ESYT3: variants seen among roughly 807,000 people sequenced by gnomAD.
ESYT3 encodes the protein extended synaptotagmin-3.
ESYT3 carries 101 observed loss-of-function variants against 111.5 expected under a neutral mutation model. The ratio of observed to expected loss-of-function variants is 0.91; its 90% CI spans 0.77 to 1.07. The LOEUF (loss-of-function observed/expected upper bound fraction) is 1.07. Among genes scored for constraint, ESYT3 ranks in the 50% least tolerant of loss-of-function variants. The pLI is 0.00. For synonymous variants in ESYT3, 416 were observed against 446.8 expected (o/e 0.93, Z 0.87); for missense variants, 1,097 against 1,109.4 (o/e 0.99, Z 0.16).
At chr3:138,449,769 C>T (rs2031803659) in intron 1 of ESYT3, among the ~76,000 whole-genome samples, 1 of 152,198 alleles carries the variant, frequency 6.6e-6, no homozygotes. Flanking sequence ...CTCTTCCCAC[C>T]TTAGTACTGA....
chr3:138,453,013 G>A (rs139763786), intron 2 of ESYT3, among the ~76,000 whole-genome samples: 3,061 of 152,258 alleles, frequency 0.02, 44 homozygotes, highest in Middle Eastern at 0.037. Flanking sequence ...CAGCCTAGGA[G>A]TTCAAGGCCA....
chr3:138,436,197 G>C (rs763737422), intron 1 of ESYT3, among the ~76,000 whole-genome samples: 6 of 152,198 alleles, frequency 3.9e-5, no homozygotes, highest in Non-Finnish European at 8.8e-5. Flanking sequence ...AGGCTGCGTG[G>C]CTTAAGCAGC....
chr3:138,439,222 C>T (rs2108590121), intron 1 of ESYT3, among the ~76,000 whole-genome samples: 1 of 152,332 alleles, frequency 6.6e-6, no homozygotes, highest in East Asian at 1.9e-4. Flanking sequence ...CCTCTGTTTC[C>T]CGGGCTTCCT....
Position 138,472,492 on chromosome 3 carries a change from C to T in ESYT3, c.1870C>T (p.Pro624Ser), listed in dbSNP as rs2033272701. ...CAAAGCCCAACCTCAGGAAGAAGGC[C>T]CTACAGATTTGCCATGTCCCCCAGA... The part of the protein sequence containing the change: ...GPKAQPQEEG[P>S]TDLPCPPDPA... The change falls in exon 18 of 23, where the codon CCT becomes TCT. Residue 624 changes from proline to serine, a missense_variant. Coordinates refer to ENST00000389567, the MANE Select transcript of ESYT3 (RefSeq NM_031913.5). 1 of 1,614,202 alleles carries T rather than the reference C, an allele frequency of 6.2e-7. No homozygotes were observed. Among genetic ancestry groups the T allele is most frequent in the Non-Finnish European group, 8.5e-7 (1 of 1,180,032 alleles).
Position 138,474,338 on chromosome 3 carries a change from C to G in ESYT3, c.2454C>G (p.Pro818=). The change falls in exon 20 of 23, where the codon CCC becomes CCG. Residue 818 remains proline (P), a synonymous_variant. Coordinates refer to ENST00000389567, the MANE Select transcript of ESYT3 (RefSeq NM_031913.5). ...CAGTGAAGCGGAAGACCTTGGAACCCCTGTTTGATGAGACGTAAGTGGGCT... is the reference window on the plus strand; with the variant it reads ...CAGTGAAGCGGAAGACCTTGGAACCGCTGTTTGATGAGACGTAAGTGGGCT... ...KTSVKRKTLE[P]LFDETFEFFV... 1 of 1,596,366 alleles carries G rather than the reference C, an allele frequency of 6.3e-7. No homozygotes were observed. The highest frequency in any genetic ancestry group is 1.2e-5 in the South Asian group (1 of 86,848).
In ESYT3 at chr3:138,479,893, A is replaced by G. The variant is rs974870739; in HGVS notation, c.*3039A>G. The G allele has an allele frequency of 1.3e-5, 2 of 152,204 alleles. No individual in the cohort carries two copies. Among genetic ancestry groups the G allele is most frequent in the Non-Finnish European group, 2.9e-5 (2 of 68,036 alleles). The allele number at this position is 152,204 out of a possible 1,614,324, so 9.4% of individuals were successfully genotyped here. The stretch of plus-strand genomic sequence containing the variant: ...CCTAGAGTCCACTTCTACCCCGTTT[A>G]GTAGTAAATACAAGAATTGCTAACT... On this transcript the variant is annotated 3_prime_UTR_variant, in exon 23 of 23. Transcript: ENST00000389567.
Position 138,436,316 on chromosome 3 carries a change from C to T in ESYT3, c.327+1191C>T, listed in dbSNP as rs183236346. On this transcript the variant is annotated intron_variant, in intron 1 of 22. Coordinates refer to ENST00000389567, the MANE Select transcript of ESYT3 (RefSeq NM_031913.5). ...TGGCTTGCAGCTGGCTGTCTTCCTA[C>T]CGTCTTCACACCGTCTTCCTTCTGT... Among the ~76,000 whole-genome samples the T allele has an allele frequency of 7.9e-5, 12 of 152,264 alleles. No individual in the cohort carries two copies. In the East Asian group the frequency reaches 2.3e-3, roughly 29 times the overall value.
chr3:138,467,507 T>C, intron 10 of ESYT3, 54 bp from the exon 11 acceptor site: 1 of 1,582,954 alleles, frequency 6.3e-7, no homozygotes, highest in East Asian at 2.2e-5. Context: ...CTCCATGCCC[T>C]CTGCTGCTTT....
At chr3:138,451,805 CTGTT>C (rs1480363188) in intron 1 of ESYT3, among the ~76,000 whole-genome samples, 3 of 150,594 alleles carry the variant, frequency 2.0e-5, no homozygotes, top group Admixed American at 1.3e-4. Flanking sequence ...AGCTCGTTGT[CTGTT>C]TATTTGCTGC....
At chr3:138,469,583 G>A (rs2033113418) in intron 15 of ESYT3, 79 bp downstream of exon 15, 1 of 1,215,912 alleles carries the variant, frequency 8.2e-7, no homozygotes, top group Admixed American at 1.8e-5. Context: ...AAAAGGGAGG[G>A]GAATTAACTT....
intron 2 of ESYT3, among the ~76,000 whole-genome samples, chr3:138,452,819 CG>C: frequency 6.6e-6 from 1 of 152,284 alleles, no homozygotes; most frequent in East Asian, 1.9e-4. Flanking sequence ...AGGCTTAGCC[CG>C]TAGCAGGAAT....
rs202042871 is a variant in ESYT3, at chr3:138,435,683, TCC to T, written c.327+560_327+561del. The stretch of plus-strand genomic sequence containing the variant: ...GCGCCGGGCCCCGGGCCTCCTTCCC[TCC>T]CTCCCTCCGCCGGATAGGGATGCCG... On this transcript the variant is annotated intron_variant, in intron 1 of 22. Transcript: ENST00000389567. This position sits in a 1 kb window ranked among gnomAD's most constrained non-coding sequence, Gnocchi z 4.8. 0.042 allele frequency among the ~76,000 whole-genome samples: 6,129 copies of T among 144,598 alleles called. 156 individuals are homozygous for T. Among genetic ancestry groups the T allele is most frequent in the South Asian group, 0.068 (316 of 4,632 alleles). The allele number at this position is 144,598 out of a possible 152,430, so 94.9% of individuals were successfully genotyped here. A position where few individuals can be genotyped will look rare whatever the true frequency, so the allele number is the denominator to read the frequency against.
rs1256244918 is a variant in ESYT3, at chr3:138,434,842, T to C, written c.44T>C (p.Leu15Pro). The C allele has an allele frequency of 1.3e-6, 2 of 1,552,206 alleles. No homozygotes were observed. Among genetic ancestry groups the C allele is most frequent in the Non-Finnish European group, 1.7e-6 (2 of 1,148,702 alleles). Residue 15 changes from leucine to proline, a missense_variant, in exon 1 of 23, where the codon CTG (leucine) becomes CCG (proline). Transcript: ENST00000389567. Reference sequence around the variant, plus strand: ...TGCGCCCCCGGGGCCCCCAGCGCCCTGGGAGCCCAGCGCACGCCGGGCCCC... The same window carrying C: ...TGCGCCCCCGGGGCCCCCAGCGCCCCGGGAGCCCAGCGCACGCCGGGCCCC... ...EPCAPGAPSALGAQRTPGPEL... is the reference protein window; with the variant it reads ...EPCAPGAPSAPGAQRTPGPEL...
In ESYT3 at chr3:138,434,989, T is replaced by C. The variant is rs1222248116; in HGVS notation, c.191T>C (p.Leu64Pro). The C allele has an allele frequency of 6.4e-7, 1 of 1,561,294 alleles. No homozygotes were observed. The highest frequency in any genetic ancestry group is 1.9e-5 in the Admixed American group (1 of 51,432). ...GGGCTCAGCATAACCTGGTTGCTGC[T>C]CGGCGCCCTGCTGTGGATGTGGTGG... Reference protein sequence around the residue: ...YLGLSITWLLLGALLWMWWRR... With the variant: ...YLGLSITWLLPGALLWMWWRR... Residue 64 changes from leucine to proline, a missense_variant, in exon 1 of 23, where the codon CTC becomes CCC. By Grantham distance (98) the Leu-to-Pro change is moderately conservative (BLOSUM62 -3). Coordinates refer to ENST00000389567, the MANE Select transcript of ESYT3 (RefSeq NM_031913.5).
chr3:138,474,529 A>T (rs1239430795), intron 20 of ESYT3, 177 bp downstream of exon 20: 1 of 629,568 alleles, frequency 1.6e-6, no homozygotes, highest in African/African-American at 1.9e-5. Context: ...GTGCCAGAGA[A>T]GTTTATCAAA....
chr3:138,476,599 A>G, intron 22 of ESYT3, 107 bp downstream of exon 22: 1 of 1,177,712 alleles, frequency 8.5e-7, no homozygotes, highest in East Asian at 2.3e-5. Flanking sequence ...AGGGAGATGA[A>G]CACCTTTATT....
chr3:138,445,216 A>G (rs1179978320), intron 1 of ESYT3, among the ~76,000 whole-genome samples: 2 of 152,204 alleles, frequency 1.3e-5, no homozygotes, highest in Non-Finnish European at 2.9e-5. Context: ...AGAGACTCCC[A>G]GCCTCGTGGG....
At chr3:138,443,720 A>T (rs1196931841) in intron 1 of ESYT3, among the ~76,000 whole-genome samples, 4 of 119,048 alleles carry the variant, frequency 3.4e-5, no homozygotes, top group Non-Finnish European at 6.8e-5. Flanking sequence ...GTGTCCACAC[A>T]TCTGTGTTTG....
At position 138,457,594 on chromosome 3, in the gene ESYT3, A is replaced by C; in HGVS notation, c.531A>C (p.Ala177=). 6.2e-7 allele frequency: 1 copy of C among 1,614,134 alleles called. No individual in the cohort carries two copies. The highest frequency in any genetic ancestry group is 8.5e-7 in the Non-Finnish European group (1 of 1,180,026). Residue 177 remains alanine, a synonymous_variant, in exon 4 of 23, where the codon GCA becomes GCC. Transcript: ENST00000389567. ...QKCPRVNGVK[A]HTNTCNRRRV... ...GTCCCAGGGTCAACGGTGTCAAGGCACACACTAATACGTGCAACCGAAGAC... is the reference window on the plus strand; with the variant it reads ...GTCCCAGGGTCAACGGTGTCAAGGCCCACACTAATACGTGCAACCGAAGAC...
Sources: gnomAD v4.1 joint callset for allele counts (sites outside exome capture counted in the v4.1 genomes callset) on GRCh38, gnomAD v4.1.1 for gene constraint, Gnocchi (gnomAD v3.1) non-coding constraint, MANE v1.5 for transcripts, NCBI Gene and HGNC (gene_info 2026-07-23, HGNC 2026-07-21) for gene names.